Variants in TSR1 observed in about 807,000 individuals in gnomAD.
The protein encoded by TSR1 is TSR1 ribosome maturation factor, also known as pre-rRNA-processing protein TSR1 homolog.
A neutral mutation model predicts 90.9 loss-of-function variants in TSR1; 81 were observed. That is an observed-to-expected ratio of 0.89 (90% CI 0.74 to 1.07). TSR1 has a LOEUF of 1.07. Ranked by LOEUF, TSR1 falls within the 50% of genes least tolerant of loss-of-function variation. TSR1 has a pLI of 0.00. For synonymous variants in TSR1, 362 were observed against 348.8 expected (o/e 1.04, Z -0.42); for missense variants, 989 against 987.3 (o/e 1.00, Z -0.02).
intron 10 of TSR1, among the ~76,000 whole-genome samples, chr17:2,329,980 T>C (rs1811893): frequency 0.41 from 62,464 of 151,570 alleles, 13,270 homozygotes; most frequent in East Asian, 0.67. Flanking sequence ...AGTGCAATGG[T>C]GCAATCTTGG....
At chr17:2,326,649 C>A (rs1296758225) in intron 11 of TSR1, among the ~76,000 whole-genome samples, 1 of 152,112 alleles carries the variant, frequency 6.6e-6, no homozygotes, top group African/African-American at 2.4e-5. Flanking sequence ...TTTAAAAATA[C>A]TAAACTTATA....
Position 2,335,759 on chromosome 17 carries a change from C to G in TSR1, c.202-29G>C, listed in dbSNP as rs752769611. 2.5e-6 allele frequency: 4 copies of G among 1,598,372 alleles called. No individual in the cohort carries two copies. In the African/African-American group the frequency reaches 5.4e-5, roughly 21 times the overall value. Reference sequence around the variant, plus strand: ...AAAATAGAAAGATATCCGAGAACATCTCAGTGTCTCAGTACTTCACTCCAG... The same window carrying G: ...AAAATAGAAAGATATCCGAGAACATGTCAGTGTCTCAGTACTTCACTCCAG... On this transcript the variant is annotated intron_variant, in intron 2 of 14. Coordinates refer to ENST00000301364, the MANE Select transcript of TSR1 (RefSeq NM_018128.5).
chr17:2,329,441 G>C lies in TSR1; in HGVS notation c.1805C>G (p.Pro602Arg). Residue 602 changes from proline (P) to arginine (R), a missense_variant, in exon 11 of 15, where the codon CCT (proline) becomes CGT (arginine). Pro to Arg is a moderately radical substitution (Grantham distance 103, BLOSUM62 -2). Transcript: ENST00000301364. ...GGCTTTCACAGGTTCAGTGTTGCCA[G>C]GGTCACGCCTCACCACCATATTCAA... ...SVLNMVVRRD[P>R]GNTEPVKAKE... 2 of 1,614,148 alleles carry C rather than the reference G, an allele frequency of 1.2e-6. No homozygotes were observed. The highest frequency in any genetic ancestry group is 8.5e-7 in the Non-Finnish European group (1 of 1,180,042).
In TSR1 at chr17:2,333,643, T is replaced by G. The variant is rs369920653; in HGVS notation, c.1055A>C (p.Gln352Pro). ...GATAACCTCTGCTTGCAAGGATTCC[T>G]GTCTACCAGGGTCTGCCTTCATTAG... ...KVLMKADPGR[Q>P]ESLQAEVIPD... The change falls in exon 6 of 15, where the codon CAG becomes CCG. Residue 352 changes from glutamine (Q) to proline (P), a missense_variant. By Grantham distance (76) the Gln-to-Pro change is moderately conservative. Transcript: ENST00000301364. 1.5e-5 allele frequency: 25 copies of G among 1,614,046 alleles called. No homozygotes were observed. In the African/African-American group the frequency reaches 3.2e-4, roughly 21 times the overall value.
At position 2,333,689 on chromosome 17, in the gene TSR1, T is replaced by C. The variant is rs757220898; in HGVS notation, c.1009A>G (p.Met337Val). 3.7e-6 allele frequency: 6 copies of C among 1,614,110 alleles called. No homozygotes were observed. The highest frequency in any genetic ancestry group is 5.1e-6 in the Non-Finnish European group (6 of 1,180,032). ...ATTAGGACTTTAAGACCTTCTTCCA[T>C]ATCATCTACAGCATCCGTAGCACAA... is the stretch of plus-strand genomic sequence containing the variant. Reference protein sequence around the residue: ...EICATDAVDDMEEGLKVLMKA... With the variant: ...EICATDAVDDVEEGLKVLMKA... Residue 337 changes from methionine (M) to valine (V), a missense_variant, in exon 6 of 15, where the codon ATG becomes GTG. Physicochemically the swap from Met to Val is conservative, Grantham distance 21. Transcript: ENST00000301364.
rs2064019642 is a variant in TSR1, at chr17:2,333,094, T to G, written c.1172A>C (p.Lys391Thr). ...ACTGGATGTTCCTTTGGGGACCTTC[T>G]TTACCACCTTAGAACTTTCCTTCAA... ...DFLKESSKVV[K>T]KVPKGTSSYQ... Residue 391 changes from lysine to threonine, a missense_variant, in exon 7 of 15, where the codon AAG becomes ACG. Lys to Thr is a moderately conservative substitution (Grantham distance 78, BLOSUM62 -1). Transcript: ENST00000301364. 6.2e-7 allele frequency: 1 copy of G among 1,614,112 alleles called. No homozygotes were observed. The highest frequency in any genetic ancestry group is 1.3e-5 in the African/African-American group (1 of 75,038).
At position 2,334,904 on chromosome 17, in the gene TSR1, C is replaced by G. The variant is rs866237836; in HGVS notation, c.557-8G>C. 1 of 1,601,946 alleles carries G rather than the reference C, an allele frequency of 6.2e-7. No homozygotes were observed. The highest frequency in any genetic ancestry group is 1.7e-5 in the Admixed American group (1 of 59,144). On this transcript the variant is annotated splice_polypyrimidine_tract_variant and splice_region_variant and intron_variant, in intron 4 of 14. Coordinates refer to ENST00000301364, the MANE Select transcript of TSR1 (RefSeq NM_018128.5). ...TCCCCTGGACAGCTAGTGCTGTAAG[C>G]GAAAGAGAAAACGCTTCATGACCTA...
chr17:2,329,072 T>G (rs2075590886), intron 11 of TSR1: 1 of 665,810 alleles, frequency 1.5e-6, no homozygotes, highest in African/African-American at 1.8e-5. Context: ...ACCCTTTTTA[T>G]AAAGCTGCCA....
intron 12 of TSR1, 128 bp downstream of exon 12, chr17:2,325,176 T>TA (rs1825965615): frequency 1.4e-6 from 1 of 717,846 alleles, no homozygotes; most frequent in African/African-American, 1.8e-5. Context: ...AATGAAGACT[T>TA]ACTGTATTTT....
Position 2,322,555 on chromosome 17 carries a change from C to G in TSR1, c.*1641G>C, listed in dbSNP as rs2075539358. ...TCACTCTGTCACCCAGGCTGGAGTG[C>G]AGTGGCACGATCTTGGCTCACTGCA... is the stretch of plus-strand genomic sequence containing the variant. On this transcript the variant is annotated 3_prime_UTR_variant, in exon 15 of 15. Transcript: ENST00000301364. The G allele has an allele frequency of 6.6e-6, 1 of 152,356 alleles. No individual in the cohort carries two copies. The highest frequency in any genetic ancestry group is 6.6e-5 in the Admixed American group (1 of 15,266). The allele number at this position is 152,356 out of a possible 1,614,324, so 9.4% of individuals were successfully genotyped here.
rs2064046410 is a variant in TSR1, at chr17:2,335,285, G to A, written c.531C>T (p.Leu177=). The part of the protein sequence containing the change: ...DSTGDYCLSC[L]FAQGLPTYTL... ...TATAGGTCGGAAGGCCCTGAGCAAAGAGGCAGGAAAGACAGTAATCACCGG... is the reference window on the plus strand; with the variant it reads ...TATAGGTCGGAAGGCCCTGAGCAAAAAGGCAGGAAAGACAGTAATCACCGG... Residue 177 remains leucine (L), a synonymous_variant, in exon 4 of 15, where the codon CTC becomes CTT. Coordinates refer to ENST00000301364, the MANE Select transcript of TSR1 (RefSeq NM_018128.5). 1.2e-6 allele frequency: 2 copies of A among 1,614,028 alleles called. No homozygotes were observed. The highest frequency in any genetic ancestry group is 1.7e-6 in the Non-Finnish European group (2 of 1,180,002).
chr17:2,323,836 C>A lies in TSR1; in HGVS notation c.*360G>T. The A allele has an allele frequency of 1.2e-6, 2 of 1,614,156 alleles. No individual in the cohort carries two copies. Among genetic ancestry groups the A allele is most frequent in the Non-Finnish European group, 1.7e-6 (2 of 1,180,028 alleles). ...TCCTCCATAACTTGGGTGAAGCAGG[C>A]TGAAAGGCCAGCTTCTTATCAGTCT... On this transcript the variant is annotated 3_prime_UTR_variant, in exon 15 of 15. Transcript: ENST00000301364.
At position 2,323,657 on chromosome 17, in the gene TSR1, T is replaced by G; in HGVS notation, c.*539A>C. ...CCTACTCCCTTCCATATCAACAGTG[T>G]GCAACCCAGCTGGTGTGGGAGAGGA... On this transcript the variant is annotated 3_prime_UTR_variant, in exon 15 of 15. Coordinates refer to ENST00000301364, the MANE Select transcript of TSR1 (RefSeq NM_018128.5). 6.2e-7 allele frequency: 1 copy of G among 1,614,052 alleles called. No individual in the cohort carries two copies. The highest frequency in any genetic ancestry group is 8.5e-7 in the Non-Finnish European group (1 of 1,179,940).
Position 2,323,073 on chromosome 17 carries a change from C to A in TSR1, c.*1123G>T. The A allele has an allele frequency of 1.9e-6, 3 of 1,549,474 alleles. No individual in the cohort carries two copies. The South Asian group carries it at 3.4e-5, about 17-fold the overall frequency. On this transcript the variant is annotated 3_prime_UTR_variant, in exon 15 of 15. Coordinates refer to ENST00000301364, the MANE Select transcript of TSR1 (RefSeq NM_018128.5). ...AGCCACCACACCAGGCCCATATTTT[C>A]TTTTAGACATGCAGGCAATGTTGTG... is the stretch of plus-strand genomic sequence containing the variant.
chr17:2,331,965 C>T (rs574707902), intron 8 of TSR1, among the ~76,000 whole-genome samples: 12 of 152,330 alleles, frequency 7.9e-5, no homozygotes, highest in African/African-American at 1.9e-4. Context: ...AGTCCTGTAA[C>T]GTGAGTCTGC....
intron 8 of TSR1, 82 bp downstream of exon 8, chr17:2,332,087 C>T: frequency 3.3e-6 from 5 of 1,496,380 alleles, no homozygotes; most frequent in Non-Finnish European, 4.5e-6. Flanking sequence ...TCTTCTTTTG[C>T]ATCACAGTGA....
At chr17:2,333,179 T>A in intron 6 of TSR1, 55 bp from the exon 7 acceptor site, 1 of 1,593,840 alleles carries the variant, frequency 6.3e-7, no homozygotes, top group Non-Finnish European at 8.6e-7. Context: ...CCTATCCCTC[T>A]GGTTATTCTC....
chr17:2,327,967 C>G (rs2151440048), intron 11 of TSR1, among the ~76,000 whole-genome samples: 1 of 151,986 alleles, frequency 6.6e-6, no homozygotes. Flanking sequence ...AAAAGAATGA[C>G]TGGCCAGGCG....
intron 1 of TSR1, 42 bp downstream of exon 1, chr17:2,336,289 A>C: frequency 6.2e-7 from 1 of 1,613,022 alleles, no homozygotes; most frequent in African/African-American, 1.3e-5. Context: ...AAGAGTTAAT[A>C]ACGGCCAAAT....
Sources: allele counts gnomAD v4.1 joint callset (sites outside exome capture counted in the v4.1 genomes callset), GRCh38; gene constraint gnomAD v4.1.1; transcripts MANE v1.5; gene names NCBI Gene and HGNC (gene_info 2026-07-23, HGNC 2026-07-21).